Variants in PSME4 observed in about 807,000 individuals in gnomAD.
PSME4 encodes proteasome activator complex subunit 4.
A neutral mutation model predicts 253.9 loss-of-function variants in PSME4; 89 were observed. The observed-to-expected ratio is 0.35, with a 90% CI of 0.30 to 0.42. PSME4 has a LOEUF of 0.42. Among genes scored for constraint, PSME4 ranks in the 10% least tolerant of loss-of-function variants. PSME4 has a pLI of 1.00. For missense variants in PSME4, 2,014 were observed against 2,195.2 expected (o/e 0.92, Z 1.65); for synonymous variants, 851 against 759.2 (o/e 1.12, Z -1.99).
intron 20 of PSME4, among the ~76,000 whole-genome samples, chr2:53,915,790 G>A (rs1668033420): frequency 6.6e-6 from 1 of 151,992 alleles, no homozygotes; most frequent in African/African-American, 2.4e-5. Flanking sequence ...ATTTTATGAG[G>A]CTGAATGTGG....
chr2:53,951,206 C>A (rs956786323), intron 1 of PSME4, among the ~76,000 whole-genome samples: 6 of 152,146 alleles, frequency 3.9e-5, no homozygotes, highest in African/African-American at 1.4e-4. Context: ...CCTCAGCCTC[C>A]CCAGTAGCTG....
intron 3 of PSME4, among the ~76,000 whole-genome samples, chr2:53,942,587 T>G (rs1487774153): frequency 1.3e-5 from 2 of 152,060 alleles, no homozygotes; most frequent in Non-Finnish European, 2.9e-5. Context: ...CTCATCAATA[T>G]AAGCAATAAT....
chr2:53,931,598 A>G (rs925909386), intron 10 of PSME4, among the ~76,000 whole-genome samples: 2 of 152,368 alleles, frequency 1.3e-5, no homozygotes, highest in African/African-American at 4.8e-5. Context: ...AATTTTGGTA[A>G]CTAAAATGTG....
At chr2:53,897,251 C>T (rs184076862) in intron 31 of PSME4, among the ~76,000 whole-genome samples, 1 of 147,864 alleles carries the variant, frequency 6.8e-6, no homozygotes, top group Non-Finnish European at 1.5e-5. Flanking sequence ...CTCACTGCAA[C>T]CTCCCCCTCC....
intron 40 of PSME4, among the ~76,000 whole-genome samples, chr2:53,887,057 G>A (rs2104422984): frequency 6.6e-6 from 1 of 152,246 alleles, no homozygotes; most frequent in East Asian, 1.9e-4. Flanking sequence ...TGATGAAGAG[G>A]ATTCTAGAGA....
chr2:53,877,890 C>A (rs578213880), intron 41 of PSME4, among the ~76,000 whole-genome samples: 1 of 152,244 alleles, frequency 6.6e-6, no homozygotes, highest in Non-Finnish European at 1.5e-5. Flanking sequence ...TTAATATAAT[C>A]CTTGGTATTT....
chr2:53,868,777 T>C (rs548735963), intron 44 of PSME4, among the ~76,000 whole-genome samples: 36 of 151,606 alleles, frequency 2.4e-4, no homozygotes, highest in African/African-American at 8.2e-4. Context: ...TTACTATTAA[T>C]CTTTTTATGT....
intron 20 of PSME4, among the ~76,000 whole-genome samples, chr2:53,913,443 C>T (rs1371463606): frequency 6.6e-6 from 1 of 152,068 alleles, no homozygotes; most frequent in Non-Finnish European, 1.5e-5. Context: ...GAAGGCTGGG[C>T]GAATTGTCAT....
chr2:53,956,297 A>C (rs1249914563), intron 1 of PSME4, among the ~76,000 whole-genome samples: 1 of 151,912 alleles, frequency 6.6e-6, no homozygotes, highest in African/African-American at 2.4e-5. Flanking sequence ...AGGAGGCCAA[A>C]GCAGGAGGAT....
At chr2:53,913,216 T>A (rs1246233081) in intron 20 of PSME4, among the ~76,000 whole-genome samples, 1 of 152,190 alleles carries the variant, frequency 6.6e-6, no homozygotes, top group Non-Finnish European at 1.5e-5. Context: ...CCAGGCCACC[T>A]AACATATAGT....
intron 43 of PSME4, chr2:53,869,819 C>T: frequency 4.8e-6 from 1 of 208,086 alleles, no homozygotes; most frequent in South Asian, 1.6e-4. Context: ...TGATAGCTCT[C>T]ATCAGGGCTA....
chr2:53,919,706 T>A (rs115660736), intron 19 of PSME4, among the ~76,000 whole-genome samples: 1,572 of 152,252 alleles, frequency 0.01, 15 homozygotes, highest in Non-Finnish European at 0.014. Flanking sequence ...TTATGAAAAA[T>A]TTGTGGTGTT....
chr2:53,880,595 C>T (rs1160209467), intron 41 of PSME4, among the ~76,000 whole-genome samples: 1 of 152,050 alleles, frequency 6.6e-6, no homozygotes, highest in African/African-American at 2.4e-5. Flanking sequence ...TAAAAAGAGG[C>T]AATTTTGTGT....
At chr2:53,945,621 C>T (rs1434010360) in intron 3 of PSME4, among the ~76,000 whole-genome samples, 4 of 152,136 alleles carry the variant, frequency 2.6e-5, no homozygotes, top group African/African-American at 9.7e-5. Flanking sequence ...ATAGAACTAG[C>T]TTTTAAAATC....
At chr2:53,949,010 A>T (rs1340511256) in intron 2 of PSME4, 133 bp downstream of exon 2, 5 of 1,206,804 alleles carry the variant, frequency 4.1e-6, no homozygotes, top group Non-Finnish European at 5.6e-6. Context: ...AAATTAAGAT[A>T]ATGTTTTTTG....
At chr2:53,878,334 A>G (rs1251282319) in intron 41 of PSME4, among the ~76,000 whole-genome samples, 1 of 152,188 alleles carries the variant, frequency 6.6e-6, no homozygotes, top group Non-Finnish European at 1.5e-5. Context: ...TAATCCCATC[A>G]TCTTCATAAG....
chr2:53,903,214 T>C (rs1680492623), intron 27 of PSME4, among the ~76,000 whole-genome samples: 1 of 152,198 alleles, frequency 6.6e-6, no homozygotes, highest in Non-Finnish European at 1.5e-5. Flanking sequence ...GCCCACTTGA[T>C]GGTGCTCTTA....
At chr2:53,933,365 G>A (rs768152782) in intron 8 of PSME4, among the ~76,000 whole-genome samples, 25 of 95,258 alleles carry the variant, frequency 2.6e-4, no homozygotes, top group Non-Finnish European at 4.3e-4. Flanking sequence ...GCGATAGAGC[G>A]AGACCATCTC....
chr2:53,959,874 C>T (rs1037399085), intron 1 of PSME4, among the ~76,000 whole-genome samples: 2 of 152,160 alleles, frequency 1.3e-5, no homozygotes, highest in Non-Finnish European at 2.9e-5. Flanking sequence ...GCCAACAACT[C>T]GCAATCAAAT....
Sources: gnomAD v4.1 joint callset for allele counts (sites outside exome capture counted in the v4.1 genomes callset) on GRCh38, gnomAD v4.1.1 for gene constraint, MANE v1.5 for transcripts, NCBI Gene and HGNC (gene_info 2026-07-23, HGNC 2026-07-21) for gene names.